Variants in KBTBD12 observed in about 807,000 individuals in gnomAD.
KBTBD12 encodes kelch repeat and BTB domain containing 12.
A neutral mutation model predicts 58.7 loss-of-function variants in KBTBD12; 53 were observed. The ratio of observed to expected loss-of-function variants is 0.90; its 90% CI spans 0.72 to 1.14. The LOEUF is 1.14. Among genes scored for constraint, KBTBD12 ranks in the 50% most tolerant of loss-of-function variants. KBTBD12 has a pLI of 0.00. For synonymous variants in KBTBD12, 236 were observed against 259.8 expected (o/e 0.91, Z 0.88); for missense variants, 704 against 751.3 (o/e 0.94, Z 0.74).
chr3:127,933,316 A>G (rs1022490897), intron 4 of KBTBD12, among the ~76,000 whole-genome samples: 3 of 152,232 alleles, frequency 2.0e-5, no homozygotes, highest in Admixed American at 6.5e-5. Flanking sequence ...GGCTACAAAA[A>G]CTAGCAGCTT....
At chr3:127,971,039 G>A (rs73205399) in intron 5 of KBTBD12, among the ~76,000 whole-genome samples, 6,542 of 152,214 alleles carry the variant, frequency 0.043, 184 homozygotes, top group Non-Finnish European at 0.065. Flanking sequence ...CACTAATGAG[G>A]AGAATTAAGC....
In KBTBD12 at chr3:127,986,262, T is replaced by C. The variant is rs1448726964; in HGVS notation, c.*1984T>C. 1 of 152,314 alleles carries C rather than the reference T, an allele frequency of 6.6e-6. No homozygotes were observed. The highest frequency in any genetic ancestry group is 2.4e-5 in the African/African-American group (1 of 41,294). 9.4% of individuals were successfully genotyped at this position (152,314 alleles called of 1,614,324 possible). A position where few individuals can be genotyped will look rare whatever the true frequency, so the allele number is the denominator to read the frequency against. On this transcript the variant is annotated 3_prime_UTR_variant, in exon 6 of 6. Transcript: ENST00000405109. Reference sequence around the variant, plus strand: ...AGCCTCATTTCCCTCATATGCAGAGTGGGAAGGAAAATATTAATACATACT... The same window carrying C: ...AGCCTCATTTCCCTCATATGCAGAGCGGGAAGGAAAATATTAATACATACT...
In KBTBD12 at chr3:127,923,465, G is replaced by T. The variant is rs951755990; in HGVS notation, c.404G>T (p.Gly135Val). Reference sequence around the variant, plus strand: ...CACATGGATGCCTCCAACTGTTTAGGTATCTATTATTTTGCAAAGCAGATT... The same window carrying T: ...CACATGGATGCCTCCAACTGTTTAGTTATCTATTATTTTGCAAAGCAGATT... Reference protein sequence around the residue: ...MDHMDASNCLGIYYFAKQIGA... With the variant: ...MDHMDASNCLVIYYFAKQIGA... Residue 135 changes from glycine to valine, a missense_variant, in exon 2 of 6, where the codon GGT (glycine) becomes GTT (valine). Transcript: ENST00000405109. The T allele has an allele frequency of 1.9e-6, 3 of 1,611,020 alleles. No individual in the cohort carries two copies. The highest frequency in any genetic ancestry group is 4.5e-5 in the East Asian group (2 of 44,868).
chr3:127,918,851 G>T (rs1319611683), intron 1 of KBTBD12, among the ~76,000 whole-genome samples: 3 of 152,186 alleles, frequency 2.0e-5, no homozygotes, highest in African/African-American at 7.2e-5. Flanking sequence ...AGTTTGGGAG[G>T]CGCCAGAATG....
At chr3:127,969,145 T>C (rs901938917) in intron 5 of KBTBD12, among the ~76,000 whole-genome samples, 7 of 152,162 alleles carry the variant, frequency 4.6e-5, no homozygotes, top group Non-Finnish European at 1.0e-4. Context: ...TAATAACTAA[T>C]TGCATATGAC....
At chr3:127,942,000 T>C (rs1014093275) in intron 4 of KBTBD12, among the ~76,000 whole-genome samples, 16 of 152,152 alleles carry the variant, frequency 1.1e-4, no homozygotes, top group Non-Finnish European at 2.4e-4. Context: ...GTGGAAGTCT[T>C]AATACAATAA....
At chr3:127,970,992 T>A (rs1362167308) in intron 5 of KBTBD12, among the ~76,000 whole-genome samples, 2 of 152,204 alleles carry the variant, frequency 1.3e-5, no homozygotes. Flanking sequence ...CAGAACTCCT[T>A]CTCTTATATC....
At chr3:127,969,571 CA>C (rs1940645817) in intron 5 of KBTBD12, among the ~76,000 whole-genome samples, 1 of 152,264 alleles carries the variant, frequency 6.6e-6, no homozygotes, top group African/African-American at 2.4e-5. Flanking sequence ...AGCTTTACTT[CA>C]AAGCTATAGT....
intron 3 of KBTBD12, among the ~76,000 whole-genome samples, chr3:127,929,587 A>G (rs1480862714): frequency 6.6e-6 from 1 of 152,214 alleles, no homozygotes; most frequent in African/African-American, 2.4e-5. Flanking sequence ...AATTTATATT[A>G]GTCAATAAAT....
chr3:127,981,310 T>C (rs1940868070), intron 5 of KBTBD12, among the ~76,000 whole-genome samples: 1 of 152,208 alleles, frequency 6.6e-6, no homozygotes, highest in Non-Finnish European at 1.5e-5. Flanking sequence ...ACCTGTTACC[T>C]TTTCTACAAA....
At chr3:127,918,725 A>AG (rs397991040) in intron 1 of KBTBD12, among the ~76,000 whole-genome samples, 1 of 151,404 alleles carries the variant, frequency 6.6e-6, no homozygotes, top group Non-Finnish European at 1.5e-5. Flanking sequence ...AAAAAAAAAA[A>AG]GAAAAAGAAA....
At chr3:127,968,237 C>T (rs575495512) in intron 5 of KBTBD12, among the ~76,000 whole-genome samples, 1 of 152,168 alleles carries the variant, frequency 6.6e-6, no homozygotes, top group African/African-American at 2.4e-5. Context: ...TTATAAAATC[C>T]CAGACTCTTT....
At chr3:127,920,391 TC>T (rs976461848) in intron 1 of KBTBD12, among the ~76,000 whole-genome samples, 4 of 151,472 alleles carry the variant, frequency 2.6e-5, no homozygotes, top group Non-Finnish European at 5.9e-5. Flanking sequence ...TCTAGTTCAT[TC>T]TTTTTTTTTT....
intron 4 of KBTBD12, among the ~76,000 whole-genome samples, chr3:127,956,948 A>G (rs1037014480): frequency 6.6e-6 from 1 of 152,222 alleles, no homozygotes; most frequent in Non-Finnish European, 1.5e-5. Flanking sequence ...AAAATGTTCC[A>G]CTATATTTGG....
chr3:127,979,913 C>T (rs1264401778), intron 5 of KBTBD12, among the ~76,000 whole-genome samples: 1 of 152,168 alleles, frequency 6.6e-6, no homozygotes, highest in East Asian at 1.9e-4. Flanking sequence ...GTCTATGATG[C>T]AAATAAATTA....
intron 5 of KBTBD12, among the ~76,000 whole-genome samples, chr3:127,966,659 G>A (rs1940578200): frequency 6.6e-6 from 1 of 152,080 alleles, no homozygotes; most frequent in Non-Finnish European, 1.5e-5. Context: ...ATAGGAGTTG[G>A]TCAATGGCTA....
At chr3:127,974,613 G>T (rs965286336) in intron 5 of KBTBD12, among the ~76,000 whole-genome samples, 2 of 152,190 alleles carry the variant, frequency 1.3e-5, no homozygotes, top group African/African-American at 4.8e-5. Flanking sequence ...TCAGGGACAA[G>T]TTCCCTGTTC....
At chr3:127,924,201 C>T (rs553627345) in intron 2 of KBTBD12, 70 bp downstream of exon 2, 3 of 924,108 alleles carry the variant, frequency 3.2e-6, no homozygotes, top group Non-Finnish European at 5.0e-6. Flanking sequence ...GAAAGAACTG[C>T]AAAAAGTCAT....
intron 4 of KBTBD12, among the ~76,000 whole-genome samples, chr3:127,962,205 T>C (rs1305360760): frequency 6.6e-6 from 1 of 151,942 alleles, no homozygotes; most frequent in East Asian, 1.9e-4. Context: ...TTCCGGGGGG[T>C]TTACCTCAGT....
Sources: allele counts gnomAD v4.1 joint callset (sites outside exome capture counted in the v4.1 genomes callset), GRCh38; gene constraint gnomAD v4.1.1; transcripts MANE v1.5; gene names NCBI Gene and HGNC (gene_info 2026-07-23, HGNC 2026-07-21).